Variants in CTNNA3 observed in about 807,000 individuals in gnomAD.
CTNNA3 encodes catenin alpha-3.
Under a neutral mutation model 95.7 loss-of-function variants are expected in CTNNA3, and 76 were observed. That is an observed-to-expected ratio of 0.79 (90% CI 0.66 to 0.96). The LOEUF is 0.96. Ranked by LOEUF, CTNNA3 falls within the 40% of genes least tolerant of loss-of-function variation. The pLI is 0.00. For missense variants in CTNNA3, 1,191 were observed against 1,089.8 expected, an observed-to-expected ratio of 1.09 and a Z score of -1.31; for synonymous variants, 431 against 374.4, an observed-to-expected ratio of 1.15 and a Z score of -1.74.
intron 14 of CTNNA3, among the ~76,000 whole-genome samples, chr10:66,083,779 G>T (rs769359200): frequency 2.0e-5 from 3 of 152,046 alleles, no homozygotes; most frequent in Non-Finnish European, 2.9e-5. Context: ...GTCCTACAGA[G>T]GCCAGGGTTT....
At chr10:66,937,466 C>T (rs1157272424) in intron 7 of CTNNA3, among the ~76,000 whole-genome samples, 1 of 152,120 alleles carries the variant, frequency 6.6e-6, no homozygotes, top group African/African-American at 2.4e-5. Context: ...GTTCCAACTG[C>T]TAAAAATCTC....
intron 7 of CTNNA3, among the ~76,000 whole-genome samples, chr10:67,107,169 A>G (rs1184003382): frequency 6.6e-6 from 1 of 152,202 alleles, no homozygotes; most frequent in Non-Finnish European, 1.5e-5. Flanking sequence ...TATTATTCCA[A>G]TAGGATTTGT....
intron 13 of CTNNA3, among the ~76,000 whole-genome samples, chr10:66,123,455 G>A (rs2082675527): frequency 6.6e-6 from 1 of 152,118 alleles, no homozygotes; most frequent in African/African-American, 2.4e-5. Flanking sequence ...CTGGCATTGA[G>A]TGTGGCTTTT....
At chr10:67,370,405 T>G (rs1301893355) in intron 5 of CTNNA3, among the ~76,000 whole-genome samples, 1 of 152,212 alleles carries the variant, frequency 6.6e-6, no homozygotes, top group Non-Finnish European at 1.5e-5. Flanking sequence ...TGTATTTTAT[T>G]TCTAGGTAAA....
chr10:67,165,229 TGA>T lies in CTNNA3; in HGVS notation c.1047+15086_1047+15087del, dbSNP rs1861713735. On this transcript the variant is annotated intron_variant, in intron 7 of 17. Transcript: ENST00000433211. ...TGGATGGATCTCTAAGGCATTATGCTGAGTTTTTAAAAAGCCAATCTCAAAAG... is the reference window on the plus strand; with the variant it reads ...TGGATGGATCTCTAAGGCATTATGCTGTTTTTAAAAAGCCAATCTCAAAAG... 3.3e-5 allele frequency among the ~76,000 whole-genome samples: 5 copies of T among 152,226 alleles called. No homozygotes were observed. In the South Asian group the frequency reaches 1.0e-3, roughly 32 times the overall value.
At chr10:65,997,956 G>A (rs554114555) in intron 15 of CTNNA3, among the ~76,000 whole-genome samples, 89 of 152,162 alleles carry the variant, frequency 5.8e-4, no homozygotes, top group African/African-American at 1.8e-3. Flanking sequence ...CAGAGGTTGC[G>A]GCGAGCCAAG....
intron 13 of CTNNA3, among the ~76,000 whole-genome samples, chr10:66,203,058 T>A (rs2087536125): frequency 6.6e-6 from 1 of 152,166 alleles, no homozygotes; most frequent in Non-Finnish European, 1.5e-5. Context: ...GGACAAACCA[T>A]TAAAAATTAC....
intron 5 of CTNNA3, among the ~76,000 whole-genome samples, chr10:67,321,260 T>C (rs1841307878): frequency 6.6e-6 from 1 of 152,188 alleles, no homozygotes. Context: ...TTTAAGCTAG[T>C]CTCAAAGCAC....
chr10:67,555,022 T>C (rs1293578577), intron 3 of CTNNA3, among the ~76,000 whole-genome samples: 1 of 152,152 alleles, frequency 6.6e-6, no homozygotes, highest in East Asian at 1.9e-4. Flanking sequence ...ATCCTTTCCC[T>C]ATTTCTTGTT....
In CTNNA3 at chr10:67,051,143, GGA is replaced by G. The variant is rs551844771; in HGVS notation, c.1047+129172_1047+129173del. Reference sequence around the variant, plus strand: ...AATGCCACAAAGCCAAAATCATAGTGGAGATTCTGCCCTGGCAGGAATGAGAT... The same window carrying G: ...AATGCCACAAAGCCAAAATCATAGTGGATTCTGCCCTGGCAGGAATGAGAT... On this transcript the variant is annotated intron_variant, in intron 7 of 17. Coordinates refer to ENST00000433211, the MANE Select transcript of CTNNA3 (RefSeq NM_013266.4). Among the ~76,000 whole-genome samples, 230 of 152,258 alleles carry G rather than the reference GGA, an allele frequency of 1.5e-3. 1 individual carries two copies. Among genetic ancestry groups the G allele is most frequent in the Non-Finnish European group, 2.7e-3 (181 of 68,010 alleles).
intron 9 of CTNNA3, among the ~76,000 whole-genome samples, chr10:66,724,712 A>T (rs1055726554): frequency 1.3e-5 from 2 of 152,212 alleles, no homozygotes; most frequent in Non-Finnish European, 2.9e-5. Context: ...CTTTGGAAAG[A>T]GAAGTTAAAA....
intron 13 of CTNNA3, among the ~76,000 whole-genome samples, chr10:66,252,166 G>A (rs12784397): frequency 0.085 from 12,925 of 152,190 alleles, 788 homozygotes; most frequent in Non-Finnish European, 0.14. Context: ...TTGCCCAAAT[G>A]TTTCTATGAT....
At chr10:66,036,145 T>C (rs185350914) in intron 15 of CTNNA3, among the ~76,000 whole-genome samples, 1 of 152,274 alleles carries the variant, frequency 6.6e-6, no homozygotes, top group East Asian at 1.9e-4. Flanking sequence ...AAAGATGTTT[T>C]ATACATCTAC....
At chr10:66,268,416 A>C (rs903443886) in intron 13 of CTNNA3, among the ~76,000 whole-genome samples, 1 of 152,144 alleles carries the variant, frequency 6.6e-6, no homozygotes, top group Non-Finnish European at 1.5e-5. Context: ...AAAAAGCCCG[A>C]CTATCCAGTG....
chr10:66,596,316 C>A (rs1843713749), intron 10 of CTNNA3, among the ~76,000 whole-genome samples: 1 of 152,058 alleles, frequency 6.6e-6, no homozygotes, highest in African/African-American at 2.4e-5. Context: ...TTCCATGCCC[C>A]TCAACTAAAA....
intron 2 of CTNNA3, among the ~76,000 whole-genome samples, chr10:67,620,766 C>T (rs935264600): frequency 3.3e-5 from 5 of 151,916 alleles, no homozygotes; most frequent in African/African-American, 4.8e-5. Flanking sequence ...AATATGGTAT[C>T]TTGCAAATCA....
intron 5 of CTNNA3, among the ~76,000 whole-genome samples, chr10:67,292,178 T>C (rs1449770438): frequency 1.3e-5 from 2 of 152,152 alleles, no homozygotes; most frequent in Admixed American, 6.5e-5. Flanking sequence ...AGATAATTTC[T>C]TTATGGCCAG....
chr10:66,709,482 G>A (rs989637859), intron 9 of CTNNA3, among the ~76,000 whole-genome samples: 11 of 151,762 alleles, frequency 7.2e-5, no homozygotes, highest in African/African-American at 2.7e-4. Flanking sequence ...TTAGAGAGCT[G>A]CCAAATGGCT....
intron 5 of CTNNA3, among the ~76,000 whole-genome samples, chr10:67,442,932 C>G (rs1391285874): frequency 2.2e-5 from 3 of 137,748 alleles, no homozygotes; most frequent in African/African-American, 8.1e-5. Flanking sequence ...TCTCCTAATG[C>G]TATCCCTCCC....
Sources: gnomAD v4.1 joint callset for allele counts (sites outside exome capture counted in the v4.1 genomes callset) on GRCh38, gnomAD v4.1.1 for gene constraint, MANE v1.5 for transcripts, NCBI Gene and HGNC (gene_info 2026-07-23, HGNC 2026-07-21) for gene names.